Variants in GCSH observed in about 807,000 individuals in gnomAD.
The protein encoded by GCSH is glycine cleavage system protein H.
In GCSH, 15 loss-of-function variants were observed where a neutral mutation model predicts 21.3. That is an observed-to-expected ratio of 0.70 (90% CI 0.47 to 1.08). GCSH has a LOEUF of 1.08. Ranked by LOEUF, GCSH falls within the 50% of genes least tolerant of loss-of-function variation. The probability of loss-of-function intolerance (pLI) is 0.00; values close to 1 mark genes in which losing one functional copy is unlikely to be tolerated. For synonymous variants in GCSH, 59 were observed against 84.5 expected (o/e 0.70, Z 1.66); for missense variants, 179 against 217.5 (o/e 0.82, Z 1.11).
intron 1 of GCSH, among the ~76,000 whole-genome samples, chr16:81,091,553 T>A (rs1452406187): frequency 6.6e-6 from 1 of 152,210 alleles, no homozygotes; most frequent in Non-Finnish European, 1.5e-5. Flanking sequence ...TAATATTTTT[T>A]AAAAAGCATA....
intron 1 of GCSH, among the ~76,000 whole-genome samples, chr16:81,093,590 C>T (rs376667532): frequency 4.5e-4 from 69 of 152,120 alleles, no homozygotes; most frequent in African/African-American, 1.5e-3. Flanking sequence ...CCTGTAATCC[C>T]AGCACTTTGG....
At chr16:81,084,403 T>C (rs777152179) in intron 4 of GCSH, 60 bp downstream of exon 4, 3 of 1,301,160 alleles carry the variant, frequency 2.3e-6, no homozygotes, top group Admixed American at 3.4e-5. Context: ...TTGCTTTAAA[T>C]TCTAGATAAA....
intron 4 of GCSH, 76 bp from the exon 5 acceptor site, chr16:81,083,039 TTC>T: frequency 1.1e-6 from 1 of 890,936 alleles, no homozygotes. Context: ...TAAAATAAAT[TTC>T]TGAGCGCCTC....
Position 81,084,545 on chromosome 16 carries a change from A to C in GCSH, c.342T>G (p.Ser114=). ...TTTCAGTTACTTCTCCTGATAAAGG[A>C]GAATAGAGTTCACTAGCAGCTTTCA... ...ESVKAASELY[S]PLSGEVTEIN... is the part of the protein sequence containing the mutation. The change falls in exon 4 of 5, where the codon TCT becomes TCG. Residue 114 remains serine, a synonymous_variant. Coordinates refer to ENST00000315467, the MANE Select transcript of GCSH (RefSeq NM_004483.5). The C allele has an allele frequency of 6.2e-7, 1 of 1,601,320 alleles. No individual in the cohort carries two copies. Among genetic ancestry groups the C allele is most frequent in the South Asian group, 1.1e-5 (1 of 90,802 alleles).
At chr16:81,095,080 G>C (rs550822770) in intron 1 of GCSH, among the ~76,000 whole-genome samples, 3 of 147,862 alleles carry the variant, frequency 2.0e-5, no homozygotes, top group Middle Eastern at 3.4e-3. Context: ...GCGACAGAGC[G>C]AGGCTCCGTC....
chr16:81,087,630 G>T lies in GCSH; in HGVS notation c.263C>A (p.Pro88His), dbSNP rs1972309798. 1 of 1,611,856 alleles carries T rather than the reference G, an allele frequency of 6.2e-7. No homozygotes were observed. Among genetic ancestry groups the T allele is most frequent in the Admixed American group, 1.7e-5 (1 of 59,980 alleles). Residue 88 changes from proline to histidine, a missense_variant, in exon 3 of 5, where the codon CCT becomes CAT. Pro to His is a moderately conservative substitution (Grantham distance 77). Transcript: ENST00000315467. ...TTTGTTCAATTTTGTCCCAACTTCA[G>T]GGAGACTACAATAAACAACATCTCC... ...ALGDVVYCSL[P>H]EVGTKLNKQD...
intron 2 of GCSH, 60 bp downstream of exon 2, chr16:81,090,541 A>C: frequency 1.2e-5 from 14 of 1,120,348 alleles, no homozygotes; most frequent in Non-Finnish European, 1.5e-5. Flanking sequence ...TTAAAAAGGT[A>C]GAGATAAAGC....
At position 81,082,417 on chromosome 16, in the gene GCSH, T is replaced by C. The variant is rs1489006565; in HGVS notation, c.*449A>G. 1 of 380,176 alleles carries C rather than the reference T, an allele frequency of 2.6e-6. No homozygotes were observed. The highest frequency in any genetic ancestry group is 5.1e-6 in the Non-Finnish European group (1 of 194,762). The allele number at this position is 380,176 out of a possible 1,614,324, so 23.6% of individuals were successfully genotyped here. ...AATGCAGTGTATCGCAAAATTAAGATAGTGGTGTTCCTCATCTGACACTGT... is the reference window on the plus strand; with the variant it reads ...AATGCAGTGTATCGCAAAATTAAGACAGTGGTGTTCCTCATCTGACACTGT... On this transcript the variant is annotated 3_prime_UTR_variant, in exon 5 of 5. Coordinates refer to ENST00000315467, the MANE Select transcript of GCSH (RefSeq NM_004483.5).
At chr16:81,093,096 C>T (rs1385790054) in intron 1 of GCSH, among the ~76,000 whole-genome samples, 2 of 150,678 alleles carry the variant, frequency 1.3e-5, no homozygotes, top group Non-Finnish European at 2.9e-5. Context: ...TGCACCATTG[C>T]CTGGGCGACT....
rs1230094914 is a variant in GCSH at position 81,082,044 on chromosome 16, C to A, written c.*822G>T. 2.2e-6 allele frequency: 1 copy of A among 454,120 alleles called. No homozygotes were observed. Among genetic ancestry groups the A allele is most frequent in the Non-Finnish European group, 4.4e-6 (1 of 226,798 alleles). 28.1% of individuals were successfully genotyped at this position (454,120 alleles called of 1,614,324 possible). The stretch of plus-strand genomic sequence containing the variant: ...CAACTTAAAAACACCATGTGCTATA[C>A]TGATCAAAACTTCCACCTTCCTCTG... On this transcript the variant is annotated 3_prime_UTR_variant, in exon 5 of 5. Coordinates refer to ENST00000315467, the MANE Select transcript of GCSH (RefSeq NM_004483.5).
At chr16:81,096,037 G>T in intron 1 of GCSH, 94 bp downstream of exon 1, 3 of 1,075,016 alleles carry the variant, frequency 2.8e-6, no homozygotes, top group Non-Finnish European at 3.5e-6. Flanking sequence ...GGTGGCTCAG[G>T]AGCGGTGCCC....
In GCSH at chr16:81,087,659, C is replaced by A. The variant is rs543343974; in HGVS notation, c.234G>T (p.Ala78=). The A allele has an allele frequency of 6.2e-7, 1 of 1,610,674 alleles. No individual in the cohort carries two copies. The highest frequency in any genetic ancestry group is 1.3e-5 in the African/African-American group (1 of 74,738). ...GACTACAATAAACAACATCTCCCAA[C>A]GCTTCCTAAATAAAACAAGACAAAA... ...TVGISNFAQE[A]LGDVVYCSLP... Residue 78 remains alanine, a synonymous_variant, in exon 3 of 5, where the codon GCG becomes GCT. Transcript: ENST00000315467.
At chr16:81,095,284 A>C (rs1972480208) in intron 1 of GCSH, among the ~76,000 whole-genome samples, 1 of 152,106 alleles carries the variant, frequency 6.6e-6, no homozygotes, top group Admixed American at 6.6e-5. Flanking sequence ...TGTTGAGTCC[A>C]GAAGACTTTA....
Position 81,096,362 on chromosome 16 carries a change from G to A in GCSH, c.-84C>T. 2 of 1,140,938 alleles carry A rather than the reference G, an allele frequency of 1.8e-6. No individual in the cohort carries two copies. The highest frequency in any genetic ancestry group is 6.7e-5 in the East Asian group (2 of 29,692). 70.7% of individuals were successfully genotyped at this position (1,140,938 alleles called of 1,614,324 possible). On this transcript the variant is annotated 5_prime_UTR_variant, in exon 1 of 5. Coordinates refer to ENST00000315467, the MANE Select transcript of GCSH (RefSeq NM_004483.5). ...GGCGGGGAGGGGCAGTTCGCGGCCG[G>A]AGGGAGCCGGCTGGATGGAGGCGCG...
intron 1 of GCSH, among the ~76,000 whole-genome samples, chr16:81,092,849 A>T (rs943436056): frequency 6.6e-6 from 1 of 151,852 alleles, no homozygotes; most frequent in Non-Finnish European, 1.5e-5. Context: ...ATCATGTTGC[A>T]GGCCGGGCAC....
intron 4 of GCSH, chr16:81,084,089 C>T (rs923672083): frequency 3.3e-5 from 11 of 334,176 alleles, no homozygotes; most frequent in Middle Eastern, 9.3e-4. Context: ...AAGCAATTCT[C>T]CCACCTCAGC....
chr16:81,084,418 T>C (rs1190658669), intron 4 of GCSH, 45 bp downstream of exon 4: 1 of 1,424,428 alleles, frequency 7.0e-7, no homozygotes, highest in East Asian at 2.3e-5. Context: ...GATAAAATAT[T>C]TACTGTAGTA....
chr16:81,092,331 A>C (rs1262082146), intron 1 of GCSH, among the ~76,000 whole-genome samples: 3 of 152,014 alleles, frequency 2.0e-5, no homozygotes, highest in African/African-American at 7.2e-5. Flanking sequence ...GTACCCACCA[A>C]GAAACAGCAA....
chr16:81,093,887 G>C (rs1272643564), intron 1 of GCSH, among the ~76,000 whole-genome samples: 1 of 151,980 alleles, frequency 6.6e-6, no homozygotes, highest in Non-Finnish European at 1.5e-5. Flanking sequence ...GGAAGAAGTG[G>C]ATAGATTAGG....
Sources: gnomAD v4.1 joint callset for allele counts (sites outside exome capture counted in the v4.1 genomes callset) on GRCh38, gnomAD v4.1.1 for gene constraint, MANE v1.5 for transcripts, NCBI Gene and HGNC (gene_info 2026-07-23, HGNC 2026-07-21) for gene names.